The following GFRA1 variants were observed in gnomAD, a reference collection of about 807,000 sequenced individuals.
GFRA1 encodes the protein GDNF family receptor alpha 1, also known as GDNF family receptor alpha-1.
Under a neutral mutation model 51.6 loss-of-function variants are expected in GFRA1, and 16 were observed. The observed-to-expected ratio is 0.31, with a 90% CI of 0.21 to 0.47. GFRA1 has a LOEUF of 0.47. Ranked by LOEUF, GFRA1 falls within the 20% of genes least tolerant of loss-of-function variation. The pLI is 1.00. For missense variants in GFRA1, 530 were observed against 594.3 expected (o/e 0.89, Z 1.13); for synonymous variants, 270 against 241.3 (o/e 1.12, Z -1.10).
chr10:116,062,029 T>TTTG lies in GFRA1; in HGVS notation c.*2366_*2368dup, dbSNP rs1482917555. ...TTTATCACTGAAGAAAAATGAGATATTTGTTGGTGACAGATGAGGCTTTTC... is the reference window on the plus strand; with the variant it reads ...TTTATCACTGAAGAAAAATGAGATATTTGTTGTTGGTGACAGATGAGGCTTTTC... On this transcript the variant is annotated 3_prime_UTR_variant, in exon 11 of 11. Transcript: ENST00000355422. The TTTG allele has an allele frequency of 2.0e-5, 8 of 398,466 alleles. No individual in the cohort carries two copies. In the East Asian group the frequency reaches 2.8e-4, roughly 14 times the overall value. 24.7% of individuals were successfully genotyped at this position (398,466 alleles called of 1,614,324 possible).
intron 5 of GFRA1, among the ~76,000 whole-genome samples, chr10:116,200,041 T>G (rs1289469051): frequency 2.6e-5 from 4 of 152,266 alleles, no homozygotes; most frequent in Non-Finnish European, 5.9e-5. Context: ...TGTTGTTGTG[T>G]GCAACCTTTT....
intron 4 of GFRA1, among the ~76,000 whole-genome samples, chr10:116,216,617 A>G (rs1965582372): frequency 6.6e-6 from 1 of 152,080 alleles, no homozygotes; most frequent in South Asian, 2.1e-4. Context: ...CTACTCTCTC[A>G]ATTTTGCTTT....
chr10:116,145,410 T>C (rs897748429), intron 5 of GFRA1, among the ~76,000 whole-genome samples: 36 of 146,720 alleles, frequency 2.5e-4, no homozygotes, highest in African/African-American at 8.6e-4. Context: ...CAGGAAAGAA[T>C]AGAATTTCAA....
chr10:116,264,804 T>C (rs1294025946), intron 4 of GFRA1, among the ~76,000 whole-genome samples: 1 of 152,298 alleles, frequency 6.6e-6, no homozygotes, highest in South Asian at 2.1e-4. Context: ...CTAAGGAGTT[T>C]ACCATATGCC....
intron 3 of GFRA1, among the ~76,000 whole-genome samples, chr10:116,270,119 A>G (rs1351030158): frequency 6.6e-6 from 1 of 152,200 alleles, no homozygotes; most frequent in African/African-American, 2.4e-5. Flanking sequence ...AAGAATGAAC[A>G]CACAAGATGT....
At chr10:116,198,431 G>A (rs530942463) in intron 5 of GFRA1, among the ~76,000 whole-genome samples, 3 of 152,304 alleles carry the variant, frequency 2.0e-5, no homozygotes, top group Non-Finnish European at 4.4e-5. Flanking sequence ...ACCCACGGCT[G>A]TTTAATAAGG....
chr10:116,093,413 A>C (rs892877348), intron 8 of GFRA1, among the ~76,000 whole-genome samples: 2 of 152,190 alleles, frequency 1.3e-5, no homozygotes, highest in Non-Finnish European at 2.9e-5. Context: ...TAGTTATTTG[A>C]ATCTCTTGCT....
intron 9 of GFRA1, among the ~76,000 whole-genome samples, chr10:116,085,579 T>A (rs1023607412): frequency 5.3e-5 from 8 of 151,758 alleles, no homozygotes; most frequent in African/African-American, 1.9e-4. Flanking sequence ...CAGAGGAGGG[T>A]CAGATGGGGA....
intron 4 of GFRA1, among the ~76,000 whole-genome samples, chr10:116,232,392 G>T (rs1309536704): frequency 6.6e-6 from 1 of 151,830 alleles, no homozygotes. Context: ...CCATTTGAAT[G>T]AATCCATTTA....
chr10:116,209,266 A>G (rs1965013199), intron 5 of GFRA1, among the ~76,000 whole-genome samples: 1 of 152,224 alleles, frequency 6.6e-6, no homozygotes, highest in Admixed American at 6.5e-5. Flanking sequence ...GTAATGAAAT[A>G]TAAGATAATG....
intron 5 of GFRA1, among the ~76,000 whole-genome samples, chr10:116,148,054 GCA>G (rs1491414009): frequency 4.4e-5 from 4 of 91,818 alleles, no homozygotes; most frequent in Middle Eastern, 5.7e-3. Context: ...GTGTGTGCAT[GCA>G]TGTGTGCATG....
At chr10:116,136,110 A>C (rs1157767223) in intron 5 of GFRA1, among the ~76,000 whole-genome samples, 1 of 152,248 alleles carries the variant, frequency 6.6e-6, no homozygotes, top group African/African-American at 2.4e-5. Context: ...AAAATATCTC[A>C]GATTTGTGGT....
rs1201604789 is a variant in GFRA1, at chr10:116,060,993, A to G, written c.*3405T>C. On this transcript the variant is annotated 3_prime_UTR_variant, in exon 11 of 11. Coordinates refer to ENST00000355422, the MANE Select transcript of GFRA1 (RefSeq NM_005264.8). The stretch of plus-strand genomic sequence containing the variant: ...TCCCAGGCACTTTACATGGACTCCA[A>G]AATGCTTTGGCTCTCCCACTCTCCT... 6.6e-6 allele frequency: 1 copy of G among 152,200 alleles called. No homozygotes were observed. Among genetic ancestry groups the G allele is most frequent in the Non-Finnish European group, 1.5e-5 (1 of 68,038 alleles). The allele number at this position is 152,200 out of a possible 1,614,324, so 9.4% of individuals were successfully genotyped here.
chr10:116,220,143 AC>A (rs1431460295), intron 4 of GFRA1, among the ~76,000 whole-genome samples: 42 of 152,314 alleles, frequency 2.8e-4, no homozygotes, highest in African/African-American at 1.0e-3. Context: ...ACATCCACAA[AC>A]ACATCCATAA....
intron 5 of GFRA1, among the ~76,000 whole-genome samples, chr10:116,171,298 A>C (rs1459924048): frequency 6.6e-6 from 1 of 152,220 alleles, no homozygotes; most frequent in Non-Finnish European, 1.5e-5. Context: ...TACGGAGTAT[A>C]ATTCTCTTTT....
At chr10:116,196,647 AATATATATATAGTACTATATATAATAT>A (rs1963846176) in intron 5 of GFRA1, among the ~76,000 whole-genome samples, 2 of 6,140 alleles carry the variant, frequency 3.3e-4, no homozygotes, top group Non-Finnish European at 7.4e-4. Flanking sequence ...TACTATATAT[AATATATATATAGTACTATATATAATAT>A]ATATAATATA....
Position 116,269,602 on chromosome 10 carries a change from A to G in GFRA1, c.335-16T>C, listed in dbSNP as rs1333890019. On this transcript the variant is annotated splice_polypyrimidine_tract_variant and intron_variant, in intron 3 of 10. Coordinates refer to ENST00000355422, the MANE Select transcript of GFRA1 (RefSeq NM_005264.8). ...AGATCATTTCCTAAAAACAACAGAAAGATTGGGCTCAGATCAGAAAAACAT... is the reference window on the plus strand; with the variant it reads ...AGATCATTTCCTAAAAACAACAGAAGGATTGGGCTCAGATCAGAAAAACAT... The G allele has an allele frequency of 2.0e-6, 3 of 1,475,022 alleles. No homozygotes were observed. In the South Asian group the frequency reaches 3.4e-5, roughly 17 times the overall value. The allele number at this position is 1,475,022 out of a possible 1,614,324, so 91.4% of individuals were successfully genotyped here. A position where few individuals can be genotyped will look rare whatever the true frequency, so the allele number is the denominator to read the frequency against.
intron 4 of GFRA1, among the ~76,000 whole-genome samples, chr10:116,249,460 G>A (rs1175991617): frequency 6.6e-6 from 1 of 152,146 alleles, no homozygotes; most frequent in Non-Finnish European, 1.5e-5. Context: ...CCAGAATCCT[G>A]TCCTACTTCT....
At chr10:116,149,569 G>A (rs1261051678) in intron 5 of GFRA1, among the ~76,000 whole-genome samples, 3 of 152,078 alleles carry the variant, frequency 2.0e-5, no homozygotes, top group South Asian at 2.1e-4. Flanking sequence ...GTATTCTCTC[G>A]TTGATACATC....
Sources: allele counts gnomAD v4.1 joint callset (sites outside exome capture counted in the v4.1 genomes callset), GRCh38; gene constraint gnomAD v4.1.1; transcripts MANE v1.5; gene names NCBI Gene and HGNC (gene_info 2026-07-23, HGNC 2026-07-21).